The following GLS variants were observed in gnomAD, a reference collection of about 807,000 sequenced individuals.
GLS encodes the protein glutaminase kidney isoform, mitochondrial.
GLS carries 36 observed loss-of-function variants against 86.7 expected under a neutral mutation model. That is an observed-to-expected ratio of 0.42 (90% CI 0.32 to 0.55). The LOEUF (loss-of-function observed/expected upper bound fraction) is 0.55. Among genes scored for constraint, GLS ranks in the 20% least tolerant of loss-of-function variants. The pLI is 0.17. For missense variants in GLS, 528 were observed against 833.4 expected, an observed-to-expected ratio of 0.63 and a Z score of 4.51; for synonymous variants, 317 against 305.9, an observed-to-expected ratio of 1.04 and a Z score of -0.38.
chr2:190,932,684 TAATA>T (rs1690147814), intron 14 of GLS: 2 of 1,534,308 alleles, frequency 1.3e-6, no homozygotes, highest in Admixed American at 2.0e-5. Flanking sequence ...TCAAGTGCAC[TAATA>T]AATTATGTAT....
At chr2:190,903,519 T>C (rs1186621709) in intron 5 of GLS, among the ~76,000 whole-genome samples, 2 of 152,194 alleles carry the variant, frequency 1.3e-5, no homozygotes, top group South Asian at 2.1e-4. Context: ...CGGTAGGGAA[T>C]GGTATTCCTG....
chr2:190,895,411 A>T lies in GLS; in HGVS notation c.483+163A>T. The stretch of plus-strand genomic sequence containing the variant: ...ATTTTTGTCATGCTCATTTCAAGGT[A>T]ATCAGTGAAAGAAAAAGAAAGAAAC... On this transcript the variant is annotated intron_variant, in intron 2 of 17. Coordinates refer to ENST00000320717, the MANE Select transcript of GLS (RefSeq NM_014905.5). This position sits in a 1 kb window ranked among gnomAD's most constrained non-coding sequence, Gnocchi z 4.2. 1.8e-6 allele frequency: 1 copy of T among 547,948 alleles called. No individual in the cohort carries two copies. The highest frequency in any genetic ancestry group is 3.2e-6 in the Non-Finnish European group (1 of 312,158). The allele number at this position is 547,948 out of a possible 1,614,324, so 33.9% of individuals were successfully genotyped here.
At chr2:190,900,468 C>T in intron 3 of GLS, 96 bp from the exon 4 acceptor site, 1 of 528,850 alleles carries the variant, frequency 1.9e-6, no homozygotes, top group Non-Finnish European at 3.2e-6. Context: ...ATAAATTTAT[C>T]TATTATTTAA....
Position 190,913,602 on chromosome 2 carries a change from T to A in GLS, c.1038+3281T>A. 1 of 967,224 alleles carries A rather than the reference T, an allele frequency of 1.0e-6. No homozygotes were observed. The allele number at this position is 967,224 out of a possible 1,614,324, so 59.9% of individuals were successfully genotyped here. On this transcript the variant is annotated intron_variant, in intron 7 of 17. Coordinates refer to ENST00000320717, the MANE Select transcript of GLS (RefSeq NM_014905.5). This position sits in a 1 kb window ranked among gnomAD's most constrained non-coding sequence, Gnocchi z 6.1. The stretch of plus-strand genomic sequence containing the variant: ...GTTATTTTTATATGATGTAGCAGTA[T>A]CCTTACGTATTTGTTTTCTTTTCAC...
rs774953292 is a variant in GLS, at chr2:190,921,305, A to T, written c.1130+102A>T. On this transcript the variant is annotated intron_variant, in intron 9 of 17. Coordinates refer to ENST00000320717, the MANE Select transcript of GLS (RefSeq NM_014905.5). The surrounding 1 kb of genome is among the most constrained non-coding windows in gnomAD (Gnocchi z 4.2). Reference sequence around the variant, plus strand: ...GAGGGAAATGAATGATTTCTAAATTACCTGACAGAAACACTTAAAAATACT... The same window carrying T: ...GAGGGAAATGAATGATTTCTAAATTTCCTGACAGAAACACTTAAAAATACT... 2.7e-5 allele frequency: 23 copies of T among 847,006 alleles called. No individual in the cohort carries two copies. The highest frequency in any genetic ancestry group is 3.9e-5 in the Admixed American group (2 of 51,580). 52.5% of individuals were successfully genotyped at this position (847,006 alleles called of 1,614,324 possible).
rs1331369854 is a variant in GLS, at chr2:190,955,632, G to C, written c.1853+814G>C. ...ATAGTAGAATGATTTATAATCTTTT[G>C]GGTATATACCCAGTAATGGGATTGC... On this transcript the variant is annotated intron_variant, in intron 17 of 17. Transcript: ENST00000320717. The surrounding 1 kb of genome is among the most constrained non-coding windows in gnomAD (Gnocchi z 5.6). 1.3e-5 allele frequency among the ~76,000 whole-genome samples: 2 copies of C among 152,072 alleles called. No homozygotes were observed. Among genetic ancestry groups the C allele is most frequent in the Non-Finnish European group, 2.9e-5 (2 of 68,020 alleles).
rs1015938073 is a variant in GLS, at chr2:190,880,979, T to A, written c.-106T>A. On this transcript the variant is annotated 5_prime_UTR_variant, in exon 1 of 18. Transcript: ENST00000320717. The stretch of plus-strand genomic sequence containing the variant: ...ACACCCAAGTAGCTGCCCTTTCCTC[T>A]TCTGTCATCTCACCGCCCCACCACA... 1.6e-4 allele frequency: 210 copies of A among 1,303,222 alleles called. 4 individuals carry two copies. Among genetic ancestry groups the A allele is most frequent in the Middle Eastern group, 1.0e-3 (4 of 3,896 alleles). The allele number at this position is 1,303,222 out of a possible 1,614,324, so 80.7% of individuals were successfully genotyped here.
At chr2:190,916,203 G>A (rs564309281) in intron 7 of GLS, among the ~76,000 whole-genome samples, 1 of 152,210 alleles carries the variant, frequency 6.6e-6, no homozygotes, top group Admixed American at 6.5e-5. Context: ...ATTAGTATGG[G>A]AAATTATTAG....
At chr2:190,910,177 G>C in intron 6 of GLS, 86 bp from the exon 7 acceptor site, 1 of 802,266 alleles carries the variant, frequency 1.2e-6, no homozygotes, top group South Asian at 1.7e-5. Context: ...CGTTAGCTGT[G>C]CTTTTTCCAA....
At chr2:190,931,312 G>C (rs765900853) in intron 13 of GLS, among the ~76,000 whole-genome samples, 1 of 152,108 alleles carries the variant, frequency 6.6e-6, no homozygotes, top group Non-Finnish European at 1.5e-5. Flanking sequence ...TGTAGAAGAT[G>C]AAAGATGATT....
At chr2:190,901,726 A>G (rs138494831) in intron 4 of GLS, among the ~76,000 whole-genome samples, 114 of 152,184 alleles carry the variant, frequency 7.5e-4, no homozygotes, top group African/African-American at 2.7e-3. Flanking sequence ...AAGAAATAAT[A>G]GAGACTGAGA....
chr2:190,932,946 T>C (rs998861871), intron 14 of GLS: 3 of 1,302,020 alleles, frequency 2.3e-6, no homozygotes, highest in African/African-American at 3.1e-5. Flanking sequence ...TAAATATTTA[T>C]TTGAGGTATT....
At chr2:190,896,978 T>C (rs1260523274) in intron 3 of GLS, among the ~76,000 whole-genome samples, 1 of 152,194 alleles carries the variant, frequency 6.6e-6, no homozygotes, top group Non-Finnish European at 1.5e-5. Flanking sequence ...GGTAGATCTG[T>C]TGATAATCAG....
At chr2:190,898,842 G>A (rs1379348478) in intron 3 of GLS, among the ~76,000 whole-genome samples, 1 of 152,132 alleles carries the variant, frequency 6.6e-6, no homozygotes, top group Non-Finnish European at 1.5e-5. Context: ...TGTTGAGGCT[G>A]GTCTCGAACT....
At chr2:190,937,195 AT>A (rs995828704) in intron 14 of GLS, among the ~76,000 whole-genome samples, 25 of 151,430 alleles carry the variant, frequency 1.7e-4, no homozygotes, top group Admixed American at 4.6e-4. Flanking sequence ...AAGTTCAACT[AT>A]TTTTCTTTTA....
chr2:190,927,257 A>G (rs1241006296), intron 11 of GLS, 49 bp from the exon 12 acceptor site: 2 of 1,299,700 alleles, frequency 1.5e-6, no homozygotes, highest in Admixed American at 4.4e-5. Flanking sequence ...TTAAAAGTGA[A>G]CAGTAATATT....
Position 190,954,877 on chromosome 2 carries a change from T to G in GLS, c.1853+59T>G. On this transcript the variant is annotated intron_variant, in intron 17 of 17. Transcript: ENST00000320717. This position sits in a 1 kb window ranked among gnomAD's most constrained non-coding sequence, Gnocchi z 4.0. ...TATTTTATTATGCAGGACTGTAATA[T>G]TCAAGTGATGATAATATTTCAACCT... 2 of 1,105,594 alleles carry G rather than the reference T, an allele frequency of 1.8e-6. No individual in the cohort carries two copies. The highest frequency in any genetic ancestry group is 2.7e-6 in the Non-Finnish European group (2 of 753,718). 68.5% of individuals were successfully genotyped at this position (1,105,594 alleles called of 1,614,324 possible).
In GLS at chr2:190,943,275, T is replaced by G. The variant is rs554941292; in HGVS notation, c.1651-10290T>G. ...GGCCTAAAACTTAGAGCAGTGTAAG[T>G]TGGAGCTATAATTTTGTGAGTGGTC... On this transcript the variant is annotated intron_variant, in intron 14 of 17. Transcript: ENST00000320717. This position sits in a 1 kb window ranked among gnomAD's most constrained non-coding sequence, Gnocchi z 4.5. 4.5e-4 allele frequency among the ~76,000 whole-genome samples: 68 copies of G among 152,302 alleles called. No homozygotes were observed. Among genetic ancestry groups the G allele is most frequent in the African/African-American group, 1.3e-3 (55 of 41,568 alleles).
intron 1 of GLS, among the ~76,000 whole-genome samples, chr2:190,883,897 T>TA (rs1340963415): frequency 6.6e-6 from 1 of 152,236 alleles, no homozygotes; most frequent in East Asian, 1.9e-4. Flanking sequence ...AGGCGTGATA[T>TA]AAGCAAGTTA....
Sources: allele counts gnomAD v4.1 joint callset (sites outside exome capture counted in the v4.1 genomes callset), GRCh38; gene constraint gnomAD v4.1.1; non-coding constraint Gnocchi (gnomAD v3.1); transcripts MANE v1.5; gene names NCBI Gene and HGNC (gene_info 2026-07-23, HGNC 2026-07-21).